GOLM2: variants seen among roughly 807,000 people sequenced by gnomAD.
The protein encoded by GOLM2 is golgi membrane protein 2.
Under a neutral mutation model 55.9 loss-of-function variants are expected in GOLM2, and 26 were observed. The observed-to-expected ratio is 0.47, with a 90% CI of 0.34 to 0.65. The LOEUF (loss-of-function observed/expected upper bound fraction) is 0.65, where lower values mean the gene tolerates loss of function less well. GOLM2 is among the 30% of genes least tolerant of loss of function. The pLI is 0.01. For missense variants in GOLM2, 486 were observed against 531.8 expected (o/e 0.91, Z 0.85); for synonymous variants, 165 against 194.6 (o/e 0.85, Z 1.27).
intron 1 of GOLM2, among the ~76,000 whole-genome samples, chr15:44,294,782 G>A (rs2078745232): frequency 6.6e-6 from 1 of 150,918 alleles, no homozygotes; most frequent in Admixed American, 6.6e-5. Flanking sequence ...GGGGGCGCCT[G>A]TAATCCCAGC....
chr15:44,400,621 G>A (rs1386678757), intron 8 of GOLM2, among the ~76,000 whole-genome samples: 1 of 134,304 alleles, frequency 7.4e-6, no homozygotes, highest in Admixed American at 8.4e-5. Context: ...CTGTCACCCA[G>A]GCTGGAGTAC....
chr15:44,341,188 C>A (rs555157628), intron 6 of GOLM2, among the ~76,000 whole-genome samples: 5 of 148,932 alleles, frequency 3.4e-5, no homozygotes, highest in Middle Eastern at 3.5e-3. Flanking sequence ...TCATGCCATT[C>A]TCCTGCCTCA....
chr15:44,297,452 C>T (rs902852424), intron 1 of GOLM2, among the ~76,000 whole-genome samples: 3 of 152,166 alleles, frequency 2.0e-5, no homozygotes, highest in Non-Finnish European at 4.4e-5. Flanking sequence ...TTTGCCTTCC[C>T]ACCTGCCTTT....
rs899637238 is a variant in GOLM2 at position 44,380,943 on chromosome 15, G to A, written c.1039G>A (p.Asp347Asn). ...AGATATACTAAAGCAGGCTACCAAG[G>A]ACAGAGTCAGTGATTTCCATAAATT... Reference protein sequence around the residue: ...QTDILKQATKDRVSDFHKLKQ... With the variant: ...QTDILKQATKNRVSDFHKLKQ... Residue 347 changes from aspartate (D) to asparagine (N), a missense_variant, in exon 8 of 10, where the codon GAC (aspartate) becomes AAC (asparagine). Physicochemically the swap from Asp to Asn is conservative, Grantham distance 23 (BLOSUM62 1). Coordinates refer to ENST00000299957, the MANE Select transcript of GOLM2 (RefSeq NM_138423.4). The A allele has an allele frequency of 5.7e-6, 9 of 1,585,256 alleles. No homozygotes were observed. Among genetic ancestry groups the A allele is most frequent in the Non-Finnish European group, 6.0e-6 (7 of 1,167,472 alleles).
At chr15:44,295,076 A>C (rs1451647154) in intron 1 of GOLM2, among the ~76,000 whole-genome samples, 1 of 149,690 alleles carries the variant, frequency 6.7e-6, no homozygotes, top group Non-Finnish European at 1.5e-5. Flanking sequence ...AAACACATAA[A>C]TTCCTTTTTT....
intron 1 of GOLM2, chr15:44,307,212 CTTTT>C (rs199591388): frequency 2.9e-5 from 4 of 135,948 alleles, no homozygotes; most frequent in Non-Finnish European, 4.8e-5. Context: ...GATACTAATT[CTTTT>C]TTTTTTTTTT....
In GOLM2 at chr15:44,380,861, T is replaced by G. The variant is rs1365973460; in HGVS notation, c.957T>G (p.Ser319Arg). ...GTACTTCAAAACAGAATCCTTCCAG[T>G]CCTCTTCAGCGTTTAATTCCAGGCT... ...NPGTSKQNPS[S>R]PLQRLIPGSN... Residue 319 changes from serine (S) to arginine (R), a missense_variant, in exon 8 of 10, where the codon AGT (serine) becomes AGG (arginine). By Grantham distance (110) the Ser-to-Arg change is moderately radical. Coordinates refer to ENST00000299957, the MANE Select transcript of GOLM2 (RefSeq NM_138423.4). 1 of 1,597,798 alleles carries G rather than the reference T, an allele frequency of 6.3e-7. No individual in the cohort carries two copies. The highest frequency in any genetic ancestry group is 8.5e-7 in the Non-Finnish European group (1 of 1,171,604).
chr15:44,322,823 T>G, intron 1 of GOLM2, 142 bp from the exon 2 acceptor site: 1 of 511,054 alleles, frequency 2.0e-6, no homozygotes. Flanking sequence ...TATTGCTGAT[T>G]TTTTTTGGAA....
At chr15:44,368,135 A>AATTT (rs991863630) in intron 6 of GOLM2, among the ~76,000 whole-genome samples, 1 of 151,036 alleles carries the variant, frequency 6.6e-6, no homozygotes. Context: ...ACATTTTTAA[A>AATTT]ATTTATTTAT....
At position 44,351,576 on chromosome 15, in the gene GOLM2, CAAA is replaced by C. The variant is rs1175016633; in HGVS notation, c.802+13279_802+13281del. On this transcript the variant is annotated intron_variant, in intron 6 of 9. Transcript: ENST00000299957. ...TGGGCAACAAAGCAAGACTCTGTCT[CAAA>C]AAAAAAAAAAAAAAAAAAACACAGA... 6.1e-4 allele frequency among the ~76,000 whole-genome samples: 28 copies of C among 45,896 alleles called. No homozygotes were observed. The South Asian group carries it at 0.024, about 39-fold the overall frequency. The allele number at this position is 45,896 out of a possible 152,430, so 30.1% of individuals were successfully genotyped here. A position where few individuals can be genotyped will look rare whatever the true frequency, so the allele number is the denominator to read the frequency against.
At chr15:44,329,112 T>C (rs1330538838) in intron 3 of GOLM2, among the ~76,000 whole-genome samples, 1 of 152,178 alleles carries the variant, frequency 6.6e-6, no homozygotes, top group African/African-American at 2.4e-5. Flanking sequence ...GTGATTCTTT[T>C]TGACGGACAT....
chr15:44,303,075 C>A (rs2078810421), intron 1 of GOLM2, among the ~76,000 whole-genome samples: 1 of 151,134 alleles, frequency 6.6e-6, no homozygotes, highest in African/African-American at 2.4e-5. Context: ...TGCACTCTAG[C>A]CTGGGCGACA....
At chr15:44,317,463 A>G (rs1346628941) in intron 1 of GOLM2, among the ~76,000 whole-genome samples, 2 of 152,246 alleles carry the variant, frequency 1.3e-5, no homozygotes, top group African/African-American at 4.8e-5. Context: ...AACAAGTACA[A>G]AAAGAGATTA....
chr15:44,348,346 T>C (rs1024073470), intron 6 of GOLM2, among the ~76,000 whole-genome samples: 16 of 151,404 alleles, frequency 1.1e-4, no homozygotes, highest in African/African-American at 2.4e-4. Context: ...CAGGCCTGAG[T>C]GTTCACAAGA....
At chr15:44,320,385 A>C (rs759682262) in intron 1 of GOLM2, among the ~76,000 whole-genome samples, 2 of 152,052 alleles carry the variant, frequency 1.3e-5, no homozygotes, top group Non-Finnish European at 2.9e-5. Context: ...TGCAGCCTCA[A>C]ACTCCTGGGC....
At chr15:44,403,100 C>CT (rs762703004) in intron 9 of GOLM2, 46 bp downstream of exon 9, 172 of 1,605,366 alleles carry the variant, frequency 1.1e-4, no homozygotes, top group Non-Finnish European at 1.3e-4. Flanking sequence ...AAACCCACCT[C>CT]TAAGTTTTTT....
intron 1 of GOLM2, among the ~76,000 whole-genome samples, chr15:44,294,010 T>C (rs1257418000): frequency 6.6e-6 from 1 of 152,110 alleles, no homozygotes; most frequent in African/African-American, 2.4e-5. Flanking sequence ...TATAATCCAA[T>C]ATTAGTTTAT....
In GOLM2 at chr15:44,294,771, G is replaced by C. The variant is rs369027263; in HGVS notation, c.327+5415G>C. Reference sequence around the variant, plus strand: ...AAAACAAAAATTAACCGGGCATGGTGGGGGGCGCCTGTAATCCCAGCTACT... The same window carrying C: ...AAAACAAAAATTAACCGGGCATGGTCGGGGGCGCCTGTAATCCCAGCTACT... On this transcript the variant is annotated intron_variant, in intron 1 of 9. Transcript: ENST00000299957. 1.0e-3 allele frequency among the ~76,000 whole-genome samples: 157 copies of C among 151,284 alleles called. No individual in the cohort carries two copies. The Middle Eastern group carries it at 0.017, about 16-fold the overall frequency.
chr15:44,317,928 A>G (rs1409739309), intron 1 of GOLM2, among the ~76,000 whole-genome samples: 2 of 152,176 alleles, frequency 1.3e-5, no homozygotes, highest in African/African-American at 2.4e-5. Context: ...CAATTCCACA[A>G]GACTATTCTT....
Sources: gnomAD v4.1 joint callset for allele counts (sites outside exome capture counted in the v4.1 genomes callset) on GRCh38, gnomAD v4.1.1 for gene constraint, MANE v1.5 for transcripts, NCBI Gene and HGNC (gene_info 2026-07-23, HGNC 2026-07-21) for gene names.